Variants in WWC2 observed in about 807,000 individuals in gnomAD.
WWC2 encodes WW and C2 domain containing 2, also known as protein WWC2.
A neutral mutation model predicts 138.5 loss-of-function variants in WWC2; 101 were observed. That is an observed-to-expected ratio of 0.73 (90% CI 0.62 to 0.86). The LOEUF is 0.86. WWC2 is among the 40% of genes least tolerant of loss of function. WWC2 has a pLI of 0.00. For synonymous variants in WWC2, 558 were observed against 538.4 expected (o/e 1.04, Z -0.50); for missense variants, 1,420 against 1,419.4 (o/e 1.00, Z -0.01).
chr4:183,216,358 G>A (rs1735755116), intron 4 of WWC2, among the ~76,000 whole-genome samples: 1 of 152,164 alleles, frequency 6.6e-6, no homozygotes, highest in Non-Finnish European at 1.5e-5. Flanking sequence ...TCGTCAGCTG[G>A]ATGACAATTT....
At chr4:183,290,815 A>G (rs1045930656) in intron 21 of WWC2, among the ~76,000 whole-genome samples, 6 of 152,216 alleles carry the variant, frequency 3.9e-5, no homozygotes, top group Non-Finnish European at 7.3e-5. Flanking sequence ...CTTGTCTATG[A>G]TATAAACTGC....
intron 1 of WWC2, among the ~76,000 whole-genome samples, chr4:183,182,119 G>A (rs1016229287): frequency 1.3e-5 from 2 of 152,140 alleles, no homozygotes; most frequent in African/African-American, 4.8e-5. Flanking sequence ...TATGTAGTGA[G>A]GTTATAGAGA....
At chr4:183,104,945 C>G (rs886160560) in intron 1 of WWC2, among the ~76,000 whole-genome samples, 1 of 152,134 alleles carries the variant, frequency 6.6e-6, no homozygotes, top group Non-Finnish European at 1.5e-5. Flanking sequence ...TTGGCTCTGT[C>G]GCCCAGGCGG....
chr4:183,303,133 G>A (rs907036486), intron 21 of WWC2, among the ~76,000 whole-genome samples: 2 of 151,640 alleles, frequency 1.3e-5, no homozygotes, highest in African/African-American at 4.9e-5. Context: ...GTATGTATTG[G>A]CAAGATTGAT....
chr4:183,312,706 C>T (rs566851085), intron 22 of WWC2, among the ~76,000 whole-genome samples: 1 of 152,352 alleles, frequency 6.6e-6, no homozygotes, highest in Non-Finnish European at 1.5e-5. Context: ...CTCTTAGTAG[C>T]TGTTAGCACA....
intron 1 of WWC2, among the ~76,000 whole-genome samples, chr4:183,183,169 T>A (rs1254123711): frequency 2.6e-5 from 4 of 152,206 alleles, no homozygotes; most frequent in Non-Finnish European, 5.9e-5. Flanking sequence ...TTAACATTTT[T>A]AAAAATTTAA....
intron 1 of WWC2, among the ~76,000 whole-genome samples, chr4:183,116,654 G>A (rs1732420351): frequency 6.6e-6 from 1 of 152,208 alleles, no homozygotes; most frequent in African/African-American, 2.4e-5. Flanking sequence ...ATCACTTAAA[G>A]TTTGCCTTAA....
chr4:183,315,426 T>TA (rs1329372383), intron 22 of WWC2, among the ~76,000 whole-genome samples: 1 of 152,148 alleles, frequency 6.6e-6, no homozygotes, highest in African/African-American at 2.4e-5. Flanking sequence ...GAAGGGAACT[T>TA]ACGGGCTTGG....
At chr4:183,110,125 ACCC>A (rs1470170121) in intron 1 of WWC2, among the ~76,000 whole-genome samples, 1 of 152,170 alleles carries the variant, frequency 6.6e-6, no homozygotes, top group Non-Finnish European at 1.5e-5. Context: ...AGACAGCTCA[ACCC>A]CAGTCACTCA....
chr4:183,148,929 C>G (rs1452178030), intron 1 of WWC2, among the ~76,000 whole-genome samples: 1 of 151,824 alleles, frequency 6.6e-6, no homozygotes, highest in Non-Finnish European at 1.5e-5. Context: ...AGTATCAAAT[C>G]CAAATTTTTT....
chr4:183,209,476 A>T (rs1735539298), intron 4 of WWC2, among the ~76,000 whole-genome samples: 2 of 152,190 alleles, frequency 1.3e-5, no homozygotes, highest in South Asian at 4.1e-4. Context: ...ACTGCAAGTT[A>T]TCTGCCCGCC....
At position 183,146,610 on chromosome 4, in the gene WWC2, T is replaced by C. The variant is rs1579985238; in HGVS notation, c.131+46988T>C. 2.6e-5 allele frequency among the ~76,000 whole-genome samples: 4 copies of C among 152,288 alleles called. No homozygotes were observed. In the East Asian group the frequency reaches 7.7e-4, roughly 29 times the overall value. On this transcript the variant is annotated intron_variant, in intron 1 of 22. Transcript: ENST00000403733. ...GGGGAAGGATCACAGGAATTGAGTG[T>C]GCACAGGCTGGCCTGCTCATGTGCG... is the stretch of plus-strand genomic sequence containing the variant.
intron 1 of WWC2, among the ~76,000 whole-genome samples, chr4:183,106,087 A>G (rs910823552): frequency 6.6e-6 from 1 of 151,756 alleles, no homozygotes; most frequent in East Asian, 2.0e-4. Flanking sequence ...TCAAGGTTCA[A>G]GCAATTCTGC....
chr4:183,123,777 T>G (rs1428490124), intron 1 of WWC2, among the ~76,000 whole-genome samples: 1 of 152,152 alleles, frequency 6.6e-6, no homozygotes, highest in Non-Finnish European at 1.5e-5. Flanking sequence ...TTTACACTAT[T>G]AATATGATGA....
At position 183,265,931 on chromosome 4, in the gene WWC2, G is replaced by A; in HGVS notation, c.2187G>A (p.Leu729=). Residue 729 remains leucine (L), a synonymous_variant, in exon 14 of 23, where the codon TTG becomes TTA. Transcript: ENST00000403733. ...AGCTCCGAAACCTTCATGCCTTCTT[G>A]ATACCTCATACTTCAAAAGTGTAAG... ...IAQLRNLHAF[L]IPHTSKVYFR... The A allele has an allele frequency of 6.2e-7, 1 of 1,612,692 alleles. No individual in the cohort carries two copies.
intron 16 of WWC2, among the ~76,000 whole-genome samples, chr4:183,278,046 C>G: frequency 6.6e-6 from 1 of 151,660 alleles, no homozygotes; most frequent in African/African-American, 2.4e-5. Flanking sequence ...ACATGGAGTC[C>G]TTGCCCATGC....
intron 1 of WWC2, among the ~76,000 whole-genome samples, chr4:183,186,983 C>T: frequency 6.6e-6 from 1 of 152,080 alleles, no homozygotes; most frequent in South Asian, 2.1e-4. Context: ...AGCTCTGTAG[C>T]ACTGGGTGAA....
intron 15 of WWC2, chr4:183,269,425 T>A: frequency 1.7e-6 from 1 of 595,594 alleles, no homozygotes. Context: ...ACAGAAGAAC[T>A]TTACCTTTGT....
At chr4:183,216,349 C>T (rs1479094508) in intron 4 of WWC2, among the ~76,000 whole-genome samples, 10 of 152,132 alleles carry the variant, frequency 6.6e-5, no homozygotes, top group African/African-American at 2.4e-4. Flanking sequence ...ATTCAAGAGT[C>T]GTCAGCTGGA....
Sources: allele counts gnomAD v4.1 joint callset (sites outside exome capture counted in the v4.1 genomes callset), GRCh38; gene constraint gnomAD v4.1.1; transcripts MANE v1.5; gene names NCBI Gene and HGNC (gene_info 2026-07-23, HGNC 2026-07-21).